Variants in PFKFB3 observed in about 807,000 individuals in gnomAD.
PFKFB3 encodes the protein 6-phosphofructo-2-kinase/fructose-2,6-bisphosphatase 3.
PFKFB3 carries 33 observed loss-of-function variants against 68.0 expected under a neutral mutation model. That is an observed-to-expected ratio of 0.49 (90% CI 0.37 to 0.65). The LOEUF is 0.65. Among genes scored for constraint, PFKFB3 ranks in the 30% least tolerant of loss-of-function variants. The pLI, the probability that PFKFB3 is intolerant of heterozygous loss-of-function variation, is 0.00. For missense variants in PFKFB3, 586 were observed against 712.2 expected (o/e 0.82, Z 2.02); for synonymous variants, 315 against 288.2 (o/e 1.09, Z -0.94).
chr10:6,263,462 A>C, the PFKFB3 span, among the ~76,000 whole-genome samples: 1 of 152,232 alleles, frequency 6.6e-6, no homozygotes, highest in Non-Finnish European at 1.5e-5. Flanking sequence ...GTTTATGGCC[A>C]GATTTTGGGG....
chr10:6,156,929 T>G (rs1432668600), intron 1 of PFKFB3, among the ~76,000 whole-genome samples: 3 of 150,884 alleles, frequency 2.0e-5, no homozygotes, highest in African/African-American at 7.3e-5. Flanking sequence ...TCTTCTCTAC[T>G]AAAAATACAA....
At chr10:6,309,648 C>A in the PFKFB3 span, among the ~76,000 whole-genome samples, 1 of 151,728 alleles carries the variant, frequency 6.6e-6, no homozygotes, top group Non-Finnish European at 1.5e-5. Flanking sequence ...CGGCCACCAG[C>A]CAAAAGAGTA....
the PFKFB3 span, among the ~76,000 whole-genome samples, chr10:6,272,230 T>C: frequency 2.7e-4 from 41 of 152,366 alleles, no homozygotes; most frequent in South Asian, 5.2e-3. Flanking sequence ...AGATGATAAA[T>C]GTCCCTTCTG....
intron 1 of PFKFB3, among the ~76,000 whole-genome samples, chr10:6,167,303 G>A (rs1842173373): frequency 6.6e-6 from 1 of 152,212 alleles, no homozygotes; most frequent in Admixed American, 6.5e-5. Context: ...GGAGGAAAAC[G>A]CCTGTGCGGG....
rs1033359644 is a variant in PFKFB3 at position 6,163,852 on chromosome 10, C to G, written c.16+18839C>G. The G allele has an allele frequency of 2.0e-5, 3 of 151,998 alleles. No individual in the cohort carries two copies. In the East Asian group the frequency reaches 5.8e-4, roughly 29 times the overall value. 9.4% of individuals were successfully genotyped at this position (151,998 alleles called of 1,614,324 possible). On this transcript the variant is annotated intron_variant, in intron 1 of 14. Transcript: ENST00000379789. ...CCCGGCGTGCGCCGCGCGGCCCCAG[C>G]CTGCTCTGCGGCGACTGTCCGGCTC...
At position 6,213,604 on chromosome 10, in the gene PFKFB3, T is replaced by C. The variant is rs1009442734; in HGVS notation, c.77-19T>C. Reference sequence around the variant, plus strand: ...CGGTCACTTGGTTGATGACACACCCTTCTTGCTTGTTTTTCCAGCCTGTGG... The same window carrying C: ...CGGTCACTTGGTTGATGACACACCCCTCTTGCTTGTTTTTCCAGCCTGTGG... On this transcript the variant is annotated intron_variant, in intron 1 of 14. Coordinates refer to ENST00000379775, the MANE Select transcript of PFKFB3 (RefSeq NM_004566.4). The C allele has an allele frequency of 3.7e-6, 6 of 1,608,752 alleles. No individual in the cohort carries two copies. The highest frequency in any genetic ancestry group is 5.1e-6 in the Non-Finnish European group (6 of 1,176,998).
chr10:6,282,026 C>A, the PFKFB3 span, among the ~76,000 whole-genome samples: 1 of 150,392 alleles, frequency 6.6e-6, no homozygotes. Flanking sequence ...CGACTATTCA[C>A]AGGCACCTTC....
At chr10:6,218,742 ATTT>A (rs1187880148) in intron 6 of PFKFB3, among the ~76,000 whole-genome samples, 1 of 151,980 alleles carries the variant, frequency 6.6e-6, no homozygotes, top group Non-Finnish European at 1.5e-5. Context: ...CATTTTAGCT[ATTT>A]TTTAAGTGTG....
chr10:6,215,094 A>C lies in PFKFB3; in HGVS notation c.203-127A>C. On this transcript the variant is annotated intron_variant, in intron 2 of 14. Coordinates refer to ENST00000379775, the MANE Select transcript of PFKFB3 (RefSeq NM_004566.4). The surrounding 1 kb of genome is among the most constrained non-coding windows in gnomAD (Gnocchi z 4.3). ...AGGACTGGGCGCCGGCATTGCTTCCACACCATCTCATTCAAGTCGGTGTGG... is the reference window on the plus strand; with the variant it reads ...AGGACTGGGCGCCGGCATTGCTTCCCCACCATCTCATTCAAGTCGGTGTGG... 1.4e-6 allele frequency: 1 copy of C among 739,130 alleles called. No individual in the cohort carries two copies. Among genetic ancestry groups the C allele is most frequent in the South Asian group, 1.6e-5 (1 of 61,902 alleles). 45.8% of individuals were successfully genotyped at this position (739,130 alleles called of 1,614,324 possible).
At chr10:6,225,259 A>G (rs1408613677) in intron 13 of PFKFB3, 1 of 453,938 alleles carries the variant, frequency 2.2e-6, no homozygotes, top group South Asian at 1.6e-5. Context: ...GTGACTGTCT[A>G]GTCCCAGGAA....
intron 1 of PFKFB3, among the ~76,000 whole-genome samples, chr10:6,196,889 C>A (rs765838548): frequency 1.3e-5 from 2 of 152,028 alleles, no homozygotes; most frequent in Non-Finnish European, 2.9e-5. Flanking sequence ...CAATCCTCCC[C>A]CCGTCACGCT....
chr10:6,177,460 CTT>C (rs1286255611), intron 1 of PFKFB3, among the ~76,000 whole-genome samples: 18 of 99,902 alleles, frequency 1.8e-4, no homozygotes, highest in African/African-American at 5.5e-4. Context: ...TTCTTTCTTT[CTT>C]TCTTTCTTTC....
intron 14 of PFKFB3, among the ~76,000 whole-genome samples, chr10:6,251,046 T>C (rs1473906080): frequency 6.6e-6 from 1 of 152,156 alleles, no homozygotes; most frequent in African/African-American, 2.4e-5. Context: ...TCCCCATGGG[T>C]ATTTTTAGAG....
the PFKFB3 span, among the ~76,000 whole-genome samples, chr10:6,271,229 C>T: frequency 5.9e-5 from 9 of 152,252 alleles, no homozygotes; most frequent in African/African-American, 2.2e-4. Context: ...AGCTCCTGTG[C>T]ATTGTAAATG....
the PFKFB3 span, among the ~76,000 whole-genome samples, chr10:6,279,820 G>C: frequency 6.6e-6 from 1 of 152,196 alleles, no homozygotes; most frequent in Non-Finnish European, 1.5e-5. Flanking sequence ...GACTTCTCAA[G>C]GCACTCCTAT....
intron 13 of PFKFB3, 41 bp downstream of exon 13, chr10:6,224,254 C>T (rs370475727): frequency 1.4e-5 from 22 of 1,592,468 alleles, no homozygotes; most frequent in African/African-American, 8.1e-5. Flanking sequence ...CATCATCACA[C>T]GATAGCCCTA....
chr10:6,159,791 A>G (rs958486994), intron 1 of PFKFB3, among the ~76,000 whole-genome samples: 2 of 151,676 alleles, frequency 1.3e-5, no homozygotes, highest in Non-Finnish European at 2.9e-5. Context: ...ACTTATTGAA[A>G]CAGGGTCTCG....
At chr10:6,161,338 A>G (rs946621781) in intron 1 of PFKFB3, among the ~76,000 whole-genome samples, 6 of 152,122 alleles carry the variant, frequency 3.9e-5, no homozygotes, top group Admixed American at 1.3e-4. Context: ...ACTCTTTACC[A>G]GCAATATGAG....
intron 1 of PFKFB3, among the ~76,000 whole-genome samples, chr10:6,206,659 C>A (rs904706728): frequency 4.6e-5 from 7 of 151,192 alleles, no homozygotes; most frequent in African/African-American, 1.7e-4. Context: ...GGCGGCGGGG[C>A]AGAGACGCTC....
Sources: gnomAD v4.1 joint callset for allele counts (sites outside exome capture counted in the v4.1 genomes callset) on GRCh38, gnomAD v4.1.1 for gene constraint, Gnocchi (gnomAD v3.1) non-coding constraint, MANE v1.5 for transcripts, NCBI Gene and HGNC (gene_info 2026-07-23, HGNC 2026-07-21) for gene names.